The following PLXDC2 variants were observed in gnomAD, a reference collection of about 807,000 sequenced individuals.
The protein encoded by PLXDC2 is plexin domain containing 2.
Under a neutral mutation model 68.9 loss-of-function variants are expected in PLXDC2, and 40 were observed. The observed-to-expected ratio is 0.58, with a 90% CI of 0.45 to 0.76. The LOEUF (loss-of-function observed/expected upper bound fraction) is 0.76. Ranked by LOEUF, PLXDC2 falls within the 30% of genes least tolerant of loss-of-function variation. The pLI is 0.00. For missense variants in PLXDC2, 644 were observed against 661.9 expected (o/e 0.97, Z 0.30); for synonymous variants, 243 against 234.2 (o/e 1.04, Z -0.34).
At chr10:20,202,089 C>T (rs1250428541) in intron 9 of PLXDC2, among the ~76,000 whole-genome samples, 2 of 152,046 alleles carry the variant, frequency 1.3e-5, no homozygotes, top group Non-Finnish European at 2.9e-5. Flanking sequence ...TGCGGCAGTT[C>T]AGCATTTTCA....
At chr10:19,904,225 C>T (rs1838205191) in intron 1 of PLXDC2, among the ~76,000 whole-genome samples, 1 of 151,956 alleles carries the variant, frequency 6.6e-6, no homozygotes, top group South Asian at 2.1e-4. Context: ...AGTTTAAGTC[C>T]CTTGTTTCTT....
At chr10:20,003,560 G>A (rs1025433542) in intron 2 of PLXDC2, among the ~76,000 whole-genome samples, 1 of 152,088 alleles carries the variant, frequency 6.6e-6, no homozygotes, top group Non-Finnish European at 1.5e-5. Context: ...AGCCTCCTGA[G>A]TAGCTGGGAT....
rs140607672 is a variant in PLXDC2, at chr10:20,106,114, C to G, written c.542-37181C>G. ...ATGTAAGGAATTGGATGATCATGGC[C>G]TTGTTAACCACATTCATTTCCATGG... On this transcript the variant is annotated intron_variant, in intron 4 of 13. Coordinates refer to ENST00000377252, the MANE Select transcript of PLXDC2 (RefSeq NM_032812.9). Among the ~76,000 whole-genome samples the G allele has an allele frequency of 3.8e-3, 582 of 152,246 alleles. 8 individuals are homozygous for G. The highest frequency in any genetic ancestry group is 0.013 in the African/African-American group (544 of 41,554).
chr10:20,125,103 C>G (rs1833754658), intron 4 of PLXDC2, among the ~76,000 whole-genome samples: 1 of 152,008 alleles, frequency 6.6e-6, no homozygotes, highest in Non-Finnish European at 1.5e-5. Context: ...AGCTACCTCC[C>G]CCAGCTTGAT....
intron 1 of PLXDC2, among the ~76,000 whole-genome samples, chr10:19,943,018 A>T (rs1331112566): frequency 6.6e-6 from 1 of 152,158 alleles, no homozygotes; most frequent in Non-Finnish European, 1.5e-5. Flanking sequence ...TTGTAATCTC[A>T]CCACTTTAAA....
intron 6 of PLXDC2, among the ~76,000 whole-genome samples, chr10:20,162,809 A>G (rs1366646915): frequency 6.6e-6 from 1 of 151,600 alleles, no homozygotes; most frequent in Non-Finnish European, 1.5e-5. Flanking sequence ...CACGCCTGCA[A>G]TCCCAGCACT....
At chr10:20,029,620 C>G (rs985826670) in intron 2 of PLXDC2, among the ~76,000 whole-genome samples, 1 of 152,128 alleles carries the variant, frequency 6.6e-6, no homozygotes. Flanking sequence ...ACAAATACTT[C>G]TTGGGCTGCA....
intron 2 of PLXDC2, among the ~76,000 whole-genome samples, chr10:20,045,944 CT>C (rs1835790269): frequency 6.6e-6 from 1 of 152,064 alleles, no homozygotes; most frequent in African/African-American, 2.4e-5. Flanking sequence ...ACATTTACAT[CT>C]CCTCACTGAG....
At chr10:19,826,742 A>G (rs1044198865) in intron 1 of PLXDC2, among the ~76,000 whole-genome samples, 2 of 152,184 alleles carry the variant, frequency 1.3e-5, no homozygotes, top group African/African-American at 2.4e-5. Flanking sequence ...GCTTTAAAAA[A>G]GGTGGTTTTT....
At chr10:20,146,519 C>CCTTCCTTCCTTCCTTCCTCA (rs1564332384) in intron 5 of PLXDC2, among the ~76,000 whole-genome samples, 1 of 131,894 alleles carries the variant, frequency 7.6e-6, no homozygotes, top group Non-Finnish European at 1.7e-5. Context: ...TTCCTTCCTT[C>CCTTCCTTCCTTCCTTCCTCA]CTCCCTCCCT....
At chr10:20,189,535 A>G (rs924522751) in intron 9 of PLXDC2, among the ~76,000 whole-genome samples, 23 of 30,644 alleles carry the variant, frequency 7.5e-4, no homozygotes, top group Non-Finnish European at 2.3e-3. Context: ...ATACACACAC[A>G]TATATATACA....
intron 9 of PLXDC2, among the ~76,000 whole-genome samples, chr10:20,178,761 T>A (rs1192967296): frequency 6.6e-6 from 1 of 152,174 alleles, no homozygotes; most frequent in Non-Finnish European, 1.5e-5. Context: ...ACTACTGCAG[T>A]ATTATGGCTA....
At chr10:19,817,928 G>A (rs1836386476) in intron 1 of PLXDC2, among the ~76,000 whole-genome samples, 1 of 152,178 alleles carries the variant, frequency 6.6e-6, no homozygotes, top group Admixed American at 6.5e-5. Context: ...CCTCTTAGTG[G>A]CTGTCCTGGC....
intron 2 of PLXDC2, among the ~76,000 whole-genome samples, chr10:20,026,901 ACAC>A (rs2131663745): frequency 7.5e-6 from 1 of 133,124 alleles, no homozygotes; most frequent in African/African-American, 2.8e-5. Flanking sequence ...TATATAGAAT[ACAC>A]TTTTATAATA....
intron 4 of PLXDC2, among the ~76,000 whole-genome samples, chr10:20,087,505 T>C (rs7907351): frequency 0.2 from 30,648 of 152,132 alleles, 3,670 homozygotes; most frequent in African/African-American, 0.33. Context: ...ACTGATGTTG[T>C]CCAGGGAGAT....
rs1218443651 is a variant in PLXDC2, at chr10:20,287,057, A to C, written c.*7238A>C. ...AACTTCTTAAGAGCAATGTGCTAAT[A>C]AATACTCATTGATGACCAGCTCAAA... On this transcript the variant is annotated 3_prime_UTR_variant, in exon 14 of 14. Transcript: ENST00000377252. 6.6e-6 allele frequency: 1 copy of C among 152,164 alleles called. No individual in the cohort carries two copies. Among genetic ancestry groups the C allele is most frequent in the Non-Finnish European group, 1.5e-5 (1 of 68,044 alleles). 9.4% of individuals were successfully genotyped at this position (152,164 alleles called of 1,614,324 possible).
At position 20,217,595 on chromosome 10, in the gene PLXDC2, GC is replaced by G; in HGVS notation, c.1273+20del. On this transcript the variant is annotated intron_variant, in intron 11 of 13. Transcript: ENST00000377252. ...ACAGAAGGTACCCAAGAGATAGTTT[GC>G]TTTTTTTTTTTTTTTTTTTTTTTTT... The G allele has an allele frequency of 4.2e-4, 109 of 262,506 alleles. No individual in the cohort carries two copies. The highest frequency in any genetic ancestry group is 2.1e-3 in the South Asian group (26 of 12,398). The allele number at this position is 262,506 out of a possible 1,614,324, so 16.3% of individuals were successfully genotyped here.
intron 9 of PLXDC2, among the ~76,000 whole-genome samples, chr10:20,187,332 A>G (rs1426901493): frequency 6.6e-6 from 1 of 151,766 alleles, no homozygotes; most frequent in Non-Finnish European, 1.5e-5. Context: ...TTTTTTGTAG[A>G]TCTTTTTGCT....
At chr10:19,944,786 A>T (rs541801481) in intron 1 of PLXDC2, among the ~76,000 whole-genome samples, 8 of 152,272 alleles carry the variant, frequency 5.3e-5, no homozygotes, top group African/African-American at 1.9e-4. Context: ...CCCCGTTTCT[A>T]CTAAAAATAC....
Sources: gnomAD v4.1 joint callset for allele counts (sites outside exome capture counted in the v4.1 genomes callset) on GRCh38, gnomAD v4.1.1 for gene constraint, MANE v1.5 for transcripts, NCBI Gene and HGNC (gene_info 2026-07-23, HGNC 2026-07-21) for gene names.